Variants in CDH13 observed in about 807,000 individuals in gnomAD.
CDH13 encodes the protein cadherin 13.
Under a neutral mutation model 63.8 loss-of-function variants are expected in CDH13, and 24 were observed. That is an observed-to-expected ratio of 0.38 (90% CI 0.27 to 0.53). CDH13 has a LOEUF of 0.53. Among genes scored for constraint, CDH13 ranks in the 20% least tolerant of loss-of-function variants. The probability of loss-of-function intolerance (pLI) is 0.85; values close to 1 mark genes in which losing one functional copy is unlikely to be tolerated. For missense variants in CDH13, 1,049 were observed against 903.1 expected (o/e 1.16, Z -2.07); for synonymous variants, 503 against 355.3 (o/e 1.42, Z -4.67).
intron 10 of CDH13, among the ~76,000 whole-genome samples, chr16:83,685,129 G>A (rs539027322): frequency 6.6e-6 from 1 of 152,298 alleles, no homozygotes; most frequent in South Asian, 2.1e-4. Context: ...CTTTCTGGAA[G>A]TCATCCACAT....
At chr16:83,617,524 A>G (rs551309025) in intron 8 of CDH13, among the ~76,000 whole-genome samples, 18 of 151,590 alleles carry the variant, frequency 1.2e-4, no homozygotes, top group African/African-American at 4.1e-4. Flanking sequence ...ATATTCTAAT[A>G]TATAATATCT....
At chr16:83,783,594 T>C (rs1915681512) in intron 13 of CDH13, 122 bp downstream of exon 13, 2 of 796,890 alleles carry the variant, frequency 2.5e-6, no homozygotes, top group Non-Finnish European at 4.3e-6. Flanking sequence ...TCATTCATCT[T>C]TAGTGTATGT....
At chr16:82,917,681 G>A (rs2042031209) in intron 2 of CDH13, among the ~76,000 whole-genome samples, 1 of 152,168 alleles carries the variant, frequency 6.6e-6, no homozygotes, top group Non-Finnish European at 1.5e-5. Context: ...GGAGGCTGAG[G>A]CAGGCGGATC....
rs182691535 is a variant in CDH13, at chr16:83,684,189, A to G, written c.1538+5728A>G. 3.3e-3 allele frequency among the ~76,000 whole-genome samples: 500 copies of G among 152,250 alleles called. 6 individuals carry two copies. The highest frequency in any genetic ancestry group is 0.012 in the African/African-American group (482 of 41,544). ...CGAGACCAGCCTGGCCAACATGACGAAACGCCATCTCTACTAAAAATACAA... is the reference window on the plus strand; with the variant it reads ...CGAGACCAGCCTGGCCAACATGACGGAACGCCATCTCTACTAAAAATACAA... On this transcript the variant is annotated intron_variant, in intron 10 of 13. Transcript: ENST00000567109.
intron 3 of CDH13, among the ~76,000 whole-genome samples, chr16:83,107,089 G>C (rs1003226507): frequency 2.6e-5 from 4 of 152,184 alleles, no homozygotes; most frequent in African/African-American, 9.7e-5. Flanking sequence ...TGGGTAGGTG[G>C]ATTGAAGAGA....
At chr16:83,122,583 G>T (rs751430623) in intron 3 of CDH13, among the ~76,000 whole-genome samples, 7 of 152,108 alleles carry the variant, frequency 4.6e-5, no homozygotes, top group Non-Finnish European at 1.0e-4. Flanking sequence ...TCTCCATAAT[G>T]CCTGACATAG....
At position 83,748,113 on chromosome 16, in the gene CDH13, C is replaced by T. The variant is rs777041339; in HGVS notation, c.1544C>T (p.Ser515Phe). The T allele has an allele frequency of 3.7e-6, 6 of 1,613,646 alleles. No homozygotes were observed. In the East Asian group the frequency reaches 1.3e-4, roughly 36 times the overall value. ...ATTGTGGGGATTTTTTTCAGGTATT[C>T]TGTTTACAAGGACCCAGCAGGTTGG... The part of the protein sequence containing the change: ...DSLQHQTIRY[S>F]VYKDPAGWLN... The change falls in exon 11 of 14, where the codon TCT (serine) becomes TTT (phenylalanine). Residue 515 changes from serine to phenylalanine, a missense_variant. By Grantham distance (155) the Ser-to-Phe change is radical. Transcript: ENST00000567109.
chr16:83,019,836 T>TAAAAAAA (rs562381483), intron 2 of CDH13, among the ~76,000 whole-genome samples: 183 of 100,802 alleles, frequency 1.8e-3, no homozygotes, highest in Middle Eastern at 0.012. Flanking sequence ...GAGTACACTC[T>TAAAAAAA]AAAAAAAAAA....
chr16:83,252,284 A>T (rs12102813), intron 5 of CDH13, among the ~76,000 whole-genome samples: 33,428 of 116,682 alleles, frequency 0.29, 3,997 homozygotes, highest in Middle Eastern at 0.4. Flanking sequence ...TTTTTTTTTC[A>T]TTTTTATTTA....
At chr16:83,313,097 AGCTCATGCACAT>A (rs2090035130) in intron 5 of CDH13, among the ~76,000 whole-genome samples, 1 of 152,212 alleles carries the variant, frequency 6.6e-6, no homozygotes, top group African/African-American at 2.4e-5. Flanking sequence ...TAGCAAGTGA[AGCTCATGCACAT>A]GCTCATGAGT....
intron 1 of CDH13, among the ~76,000 whole-genome samples, chr16:82,785,923 C>A (rs574228186): frequency 6.6e-6 from 1 of 152,316 alleles, no homozygotes; most frequent in South Asian, 2.1e-4. Context: ...GGAAGGGGTT[C>A]TTATCCCTGA....
At chr16:83,743,122 A>G (rs1348371361) in intron 10 of CDH13, among the ~76,000 whole-genome samples, 1 of 152,184 alleles carries the variant, frequency 6.6e-6, no homozygotes, top group Non-Finnish European at 1.5e-5. Flanking sequence ...CAGGAGAATT[A>G]TTTGAACCCA....
intron 5 of CDH13, among the ~76,000 whole-genome samples, chr16:83,252,313 T>C (rs1211380878): frequency 6.6e-6 from 1 of 151,216 alleles, no homozygotes; most frequent in African/African-American, 2.4e-5. Context: ...TATTATACTT[T>C]AAGTTTTAGG....
Position 82,872,429 on chromosome 16 carries a change from A to T in CDH13, c.157+13956A>T, listed in dbSNP as rs1276336339. On this transcript the variant is annotated intron_variant, in intron 2 of 13. Coordinates refer to ENST00000567109, the MANE Select transcript of CDH13 (RefSeq NM_001257.5). ...TTTAAGGAATTAAGAATACAGGAAC[A>T]TACGGATGTTACAGGAGCATCTCCT... 3.3e-5 allele frequency among the ~76,000 whole-genome samples: 5 copies of T among 152,264 alleles called. No individual in the cohort carries two copies. The South Asian group carries it at 6.2e-4, about 19-fold the overall frequency.
intron 3 of CDH13, among the ~76,000 whole-genome samples, chr16:83,119,240 C>T (rs999358145): frequency 7.9e-5 from 12 of 152,176 alleles, no homozygotes; most frequent in African/African-American, 2.9e-4. Flanking sequence ...TGAAACTCAT[C>T]AGATGGTTAC....
chr16:82,803,866 AG>A (rs1597640873), intron 1 of CDH13, among the ~76,000 whole-genome samples: 1 of 152,220 alleles, frequency 6.6e-6, no homozygotes, highest in Admixed American at 6.5e-5. Context: ...TTATATGGGA[AG>A]AAAAAGTTCT....
At chr16:83,348,372 G>T (rs1168689055) in intron 6 of CDH13, among the ~76,000 whole-genome samples, 2 of 152,196 alleles carry the variant, frequency 1.3e-5, no homozygotes, top group Admixed American at 6.5e-5. Flanking sequence ...CAGGCCCATT[G>T]AATCACCTCT....
At chr16:83,621,100 A>C (rs951526397) in intron 8 of CDH13, among the ~76,000 whole-genome samples, 1 of 152,106 alleles carries the variant, frequency 6.6e-6, no homozygotes, top group African/African-American at 2.4e-5. Flanking sequence ...GTGGGTATGG[A>C]GATGAAGGCT....
chr16:83,433,458 C>T (rs1028499238), intron 6 of CDH13, among the ~76,000 whole-genome samples: 13 of 152,208 alleles, frequency 8.5e-5, no homozygotes, highest in African/African-American at 1.9e-4. Context: ...GCATGACCAG[C>T]GGATAAACCA....
Sources: allele counts gnomAD v4.1 joint callset (sites outside exome capture counted in the v4.1 genomes callset), GRCh38; gene constraint gnomAD v4.1.1; transcripts MANE v1.5; gene names NCBI Gene and HGNC (gene_info 2026-07-23, HGNC 2026-07-21).